The following EPB41L1 variants were observed in gnomAD, a reference collection of about 807,000 sequenced individuals.
EPB41L1 encodes the protein band 4.1-like protein 1.
EPB41L1 carries 29 observed loss-of-function variants against 97.8 expected under a neutral mutation model. The observed-to-expected ratio is 0.30, with a 90% confidence interval of 0.22 to 0.40. The LOEUF (loss-of-function observed/expected upper bound fraction) is 0.40, where lower values mean the gene tolerates loss of function less well. Among genes scored for constraint, EPB41L1 ranks in the 10% least tolerant of loss-of-function variants. EPB41L1 has a pLI of 1.00. For missense variants in EPB41L1, 812 were observed against 1,162.3 expected (o/e 0.70, Z 4.38); for synonymous variants, 383 against 459.2 (o/e 0.83, Z 2.12).
At chr20:36,132,971 T>C (rs547309105) in intron 2 of EPB41L1, among the ~76,000 whole-genome samples, 162 of 152,372 alleles carry the variant, frequency 1.1e-3, no homozygotes, top group African/African-American at 3.8e-3. Context: ...TCTGTGTCTC[T>C]GCATGAATAC....
At chr20:36,214,142 G>C (rs1424634145) in intron 16 of EPB41L1, among the ~76,000 whole-genome samples, 1 of 152,206 alleles carries the variant, frequency 6.6e-6, no homozygotes, top group Non-Finnish European at 1.5e-5. Flanking sequence ...GAATTTGCCA[G>C]ATAGTCTGAG....
chr20:36,117,120 C>T (rs1477369972), intron 2 of EPB41L1, among the ~76,000 whole-genome samples: 1 of 152,198 alleles, frequency 6.6e-6, no homozygotes, highest in Non-Finnish European at 1.5e-5. Context: ...CTCCCCTGCT[C>T]TTGCCCACCA....
intron 4 of EPB41L1, 60 bp downstream of exon 4, chr20:36,178,116 C>A: frequency 1.6e-6 from 2 of 1,238,674 alleles, no homozygotes; most frequent in Non-Finnish European, 2.4e-6. Flanking sequence ...GTAATCCTGG[C>A]CACCCCCAAC....
At position 36,093,154 on chromosome 20, in the gene EPB41L1, C is replaced by A. The variant is rs2057712640; in HGVS notation, c.-65+1542C>A. ...GTGTGAGGGTGTGTGCCTTGCGTGTCTTCGCGAGTGGTGCGTGCGTATCTG... is the reference window on the plus strand; with the variant it reads ...GTGTGAGGGTGTGTGCCTTGCGTGTATTCGCGAGTGGTGCGTGCGTATCTG... On this transcript the variant is annotated intron_variant, in intron 1 of 19. Transcript: ENST00000202028. The surrounding 1 kb of genome is among the most constrained non-coding windows in gnomAD (Gnocchi z 5.4). Among the ~76,000 whole-genome samples, 1 of 150,992 alleles carries A rather than the reference C, an allele frequency of 6.6e-6. No individual in the cohort carries two copies. The highest frequency in any genetic ancestry group is 6.6e-5 in the Admixed American group (1 of 15,202).
rs115702671 is a variant in EPB41L1 at position 36,232,288 on chromosome 20, A to G, written c.*2948A>G. On this transcript the variant is annotated 3_prime_UTR_variant, in exon 22 of 22. Coordinates refer to ENST00000338074, the MANE Select transcript of EPB41L1 (RefSeq NM_012156.2). ...CTCTCCACCCAGGAGGCCATGTAGC[A>G]TAGTGGAAAAAGTCCCTGAGGGCGG... is the stretch of plus-strand genomic sequence containing the variant. 1,135 of 269,950 alleles carry G rather than the reference A, an allele frequency of 4.2e-3. 9 individuals are homozygous for G. The highest frequency in any genetic ancestry group is 0.023 in the African/African-American group (1,051 of 45,786). The allele number at this position is 269,950 out of a possible 1,614,324, so 16.7% of individuals were successfully genotyped here.
Position 36,178,681 on chromosome 20 carries a change from CTTG to C in EPB41L1, c.490+14_490+16del, listed in dbSNP as rs763767551. 6.2e-7 allele frequency: 1 copy of C among 1,613,870 alleles called. No individual in the cohort carries two copies. The highest frequency in any genetic ancestry group is 1.3e-5 in the African/African-American group (1 of 75,014). ...CAAGAAGCAGATCCGGAGTGAGTGG[CTTG>C]TTGTGTTTGGGGAGGTGGGTGGGTG... On this transcript the variant is annotated intron_variant, in intron 5 of 21. Coordinates refer to ENST00000338074, the MANE Select transcript of EPB41L1 (RefSeq NM_012156.2).
intron 1 of EPB41L1, among the ~76,000 whole-genome samples, chr20:36,094,799 C>G (rs544193373): frequency 2.0e-5 from 3 of 152,166 alleles, no homozygotes; most frequent in East Asian, 3.9e-4. Context: ...TTCATGAGCT[C>G]TGGAGTCTGG....
intron 2 of EPB41L1, among the ~76,000 whole-genome samples, chr20:36,147,577 G>A (rs2059889331): frequency 6.6e-6 from 1 of 152,212 alleles, no homozygotes; most frequent in South Asian, 2.1e-4. Context: ...GATCTATAAT[G>A]TCTGCCTTAC....
rs977132651 is a variant in EPB41L1, at chr20:36,231,263, C to T, written c.*1923C>T. On this transcript the variant is annotated 3_prime_UTR_variant, in exon 22 of 22. Transcript: ENST00000338074. The stretch of plus-strand genomic sequence containing the variant: ...GGCTTGTCTGCCACAAGCTACTTCT[C>T]TGAGCTCAGAAAGTGCCCCTTGATG... 6.6e-6 allele frequency: 1 copy of T among 152,274 alleles called. No individual in the cohort carries two copies. The highest frequency in any genetic ancestry group is 2.4e-5 in the African/African-American group (1 of 41,466). The allele number at this position is 152,274 out of a possible 1,614,324, so 9.4% of individuals were successfully genotyped here. A position where few individuals can be genotyped will look rare whatever the true frequency, so the allele number is the denominator to read the frequency against.
intron 1 of EPB41L1, among the ~76,000 whole-genome samples, chr20:36,105,913 G>A (rs2058175050): frequency 1.3e-5 from 2 of 152,270 alleles, no homozygotes; most frequent in South Asian, 4.1e-4. Context: ...TCCCTATTCT[G>A]GAATCTGCTT....
chr20:36,101,321 G>C (rs796733116), intron 1 of EPB41L1, among the ~76,000 whole-genome samples: 48 of 152,196 alleles, frequency 3.2e-4, no homozygotes, highest in African/African-American at 1.1e-3. Flanking sequence ...CCCATGTGCA[G>C]CCCGGGAGTC....
chr20:36,167,473 G>A (rs1471465419), intron 1 of EPB41L1, among the ~76,000 whole-genome samples: 3 of 152,114 alleles, frequency 2.0e-5, no homozygotes, highest in Admixed American at 6.6e-5. Flanking sequence ...TTAGGAGGCT[G>A]AGGCGGGCGG....
intron 1 of EPB41L1, among the ~76,000 whole-genome samples, chr20:36,156,894 C>G (rs1434513804): frequency 1.3e-5 from 2 of 152,148 alleles, no homozygotes; most frequent in East Asian, 1.9e-4. Context: ...CGGGACTTCC[C>G]TAAGAGCCCC....
At chr20:36,220,268 C>T (rs1024342144) in intron 19 of EPB41L1, among the ~76,000 whole-genome samples, 5 of 152,208 alleles carry the variant, frequency 3.3e-5, no homozygotes, top group African/African-American at 1.2e-4. Flanking sequence ...CTAAGCAAAG[C>T]AGAAGAGGGA....
intron 1 of EPB41L1, among the ~76,000 whole-genome samples, chr20:36,108,078 G>A (rs113655610): frequency 0.02 from 3,086 of 151,916 alleles, 116 homozygotes; most frequent in African/African-American, 0.071. Flanking sequence ...TGAACTCCTG[G>A]ACTTAAGAGA....
chr20:36,106,161 G>T (rs1020215494), intron 1 of EPB41L1, among the ~76,000 whole-genome samples: 1 of 152,194 alleles, frequency 6.6e-6, no homozygotes, highest in Non-Finnish European at 1.5e-5. Context: ...GGGTGTGGGT[G>T]GGGGAACTAA....
intron 1 of EPB41L1, among the ~76,000 whole-genome samples, chr20:36,172,937 TTCTC>T (rs1236543222): frequency 6.6e-6 from 1 of 152,092 alleles, no homozygotes; most frequent in South Asian, 2.1e-4. Flanking sequence ...GACCATGCCA[TTCTC>T]TCTCTCTCTT....
chr20:36,197,984 G>A lies in EPB41L1; in HGVS notation c.1611G>A (p.Arg537=), dbSNP rs1249248353. 1 of 1,614,062 alleles carries A rather than the reference G, an allele frequency of 6.2e-7. No individual in the cohort carries two copies. The highest frequency in any genetic ancestry group is 1.7e-5 in the Admixed American group (1 of 60,020). The part of the protein sequence containing the change: ...HRDRDWERER[R]LPSSPASPSP... Reference sequence around the variant, plus strand: ...ATCGAGACTGGGAACGGGAGCGCAGGCTGCCCTCCTCCCCCGCCTCCCCCT... The same window carrying A: ...ATCGAGACTGGGAACGGGAGCGCAGACTGCCCTCCTCCCCCGCCTCCCCCT... Residue 537 remains arginine, a synonymous_variant, in exon 14 of 22, where the codon AGG becomes AGA. Transcript: ENST00000338074.
At chr20:36,215,648 G>C (rs988762933) in intron 17 of EPB41L1, among the ~76,000 whole-genome samples, 24 of 152,138 alleles carry the variant, frequency 1.6e-4, no homozygotes, top group African/African-American at 5.8e-4. Context: ...GATGCTTGTA[G>C]GGCTAAATTT....
Sources: allele counts gnomAD v4.1 joint callset (sites outside exome capture counted in the v4.1 genomes callset), GRCh38; gene constraint gnomAD v4.1.1; non-coding constraint Gnocchi (gnomAD v3.1); transcripts MANE v1.5; gene names NCBI Gene and HGNC (gene_info 2026-07-23, HGNC 2026-07-21).